PRAMEF15: variants seen among roughly 807,000 people sequenced by gnomAD.
The protein encoded by PRAMEF15 is PRAME family member 15, also known as PRAME family member 9/15.
In PRAMEF15, 21 loss-of-function variants were observed where a neutral mutation model predicts 35.3. The observed-to-expected ratio is 0.59, with a 90% CI of 0.42 to 0.86. The LOEUF is 0.86. PRAMEF15 is among the 40% of genes least tolerant of loss of function. The pLI is 0.00. For missense variants in PRAMEF15, 360 were observed against 574.1 expected (o/e 0.63, Z 3.81); for synonymous variants, 122 against 223.3 (o/e 0.55, Z 4.05).
At chr1:13,316,816 T>G (rs1467819089) in intron 1 of PRAMEF15, among the ~76,000 whole-genome samples, 2 of 151,544 alleles carry the variant, frequency 1.3e-5, no homozygotes, top group Admixed American at 6.6e-5. Context: ...CAAGGATAAT[T>G]TCAAGTTTTC....
chr1:13,321,571 G>A (rs1640083889), intron 3 of PRAMEF15, 132 bp from the exon 4 acceptor site: 1 of 1,426,662 alleles, frequency 7.0e-7, no homozygotes, highest in Non-Finnish European at 9.6e-7. Flanking sequence ...CCTAAGTGTT[G>A]ACCATCAGGC....
intron 3 of PRAMEF15, 67 bp downstream of exon 3, chr1:13,320,020 C>A: frequency 1.2e-6 from 2 of 1,606,822 alleles, no homozygotes; most frequent in Non-Finnish European, 1.7e-6. Flanking sequence ...CACTAGTGGG[C>A]ATCTACTGTG....
rs1196418402 is a variant in PRAMEF15, at chr1:13,317,868, GGAAA to G, written c.-16-512_-16-509del. Among the ~76,000 whole-genome samples, 6 of 147,406 alleles carry G rather than the reference GGAAA, an allele frequency of 4.1e-5. 1 individual carries two copies. The highest frequency in any genetic ancestry group is 7.6e-5 in the African/African-American group (3 of 39,320). On this transcript the variant is annotated intron_variant, in intron 1 of 3. Coordinates refer to ENST00000376152, the MANE Select transcript of PRAMEF15 (RefSeq NM_001098376.3). ...AGAAAGAAAGAAGGGAGAGAGAGGG[GGAAA>G]GAAAGAAAGAAGGGAGGGAGAGAGG...
At chr1:13,320,636 T>A (rs1325909501) in intron 3 of PRAMEF15, among the ~76,000 whole-genome samples, 2 of 151,342 alleles carry the variant, frequency 1.3e-5, no homozygotes, top group Non-Finnish European at 2.9e-5. Context: ...GTTGGCCAGG[T>A]TATTCTCCAA....
chr1:13,320,524 T>C (rs1466948907), intron 3 of PRAMEF15, among the ~76,000 whole-genome samples: 54 of 152,194 alleles, frequency 3.5e-4, no homozygotes, highest in African/African-American at 1.2e-3. Flanking sequence ...CCCAGGTTCA[T>C]GCGATTCTCC....
intron 1 of PRAMEF15, among the ~76,000 whole-genome samples, chr1:13,318,152 G>A (rs1640030908): frequency 6.6e-6 from 1 of 152,080 alleles, no homozygotes; most frequent in African/African-American, 2.4e-5. Context: ...ACTGGATGGA[G>A]CACTGGATAG....
chr1:13,322,274 T>A lies in PRAMEF15; in HGVS notation c.*10T>A. ...TCAATACTGCTGTTGAATGCCTGCC[T>A]ATTTGGATGGGTATGTCAAACGCTT... On this transcript the variant is annotated 3_prime_UTR_variant, in exon 4 of 4. Coordinates refer to ENST00000376152, the MANE Select transcript of PRAMEF15 (RefSeq NM_001098376.3). The A allele has an allele frequency of 6.7e-7, 1 of 1,501,900 alleles. No individual in the cohort carries two copies. Among genetic ancestry groups the A allele is most frequent in the South Asian group, 1.2e-5 (1 of 86,704 alleles). 93.0% of individuals were successfully genotyped at this position (1,501,900 alleles called of 1,614,324 possible). A position where few individuals can be genotyped will look rare whatever the true frequency, so the allele number is the denominator to read the frequency against.
chr1:13,322,172 C>T lies in PRAMEF15; in HGVS notation c.1345C>T (p.His449Tyr), dbSNP rs1308445544. The T allele has an allele frequency of 2.5e-6, 4 of 1,608,904 alleles. No individual in the cohort carries two copies. Among genetic ancestry groups the T allele is most frequent in the East Asian group, 2.3e-5 (1 of 44,352 alleles). Reference sequence around the variant, plus strand: ...GATGAACAGAGTGAGGGACTTAAGGCACCCCAAGAGGATCTTGTTCTGTAC... The same window carrying T: ...GATGAACAGAGTGAGGGACTTAAGGTACCCCAAGAGGATCTTGTTCTGTAC... Reference protein sequence around the residue: ...ELMNRVRDLRHPKRILFCTDY... With the variant: ...ELMNRVRDLRYPKRILFCTDY... Residue 449 changes from histidine to tyrosine, a missense_variant, in exon 4 of 4, where the codon CAC becomes TAC. Around this residue, in one of 8 missense-constraint regions of PRAMEF15, gnomAD observed 147 missense variants for 123.5 expected, o/e 1.19. Coordinates refer to ENST00000376152, the MANE Select transcript of PRAMEF15 (RefSeq NM_001098376.3).
At chr1:13,321,542 G>A (rs1215083733) in intron 3 of PRAMEF15, among the ~76,000 whole-genome samples, 161 bp from the exon 4 acceptor site, 1 of 151,868 alleles carries the variant, frequency 6.6e-6, no homozygotes, top group Non-Finnish European at 1.5e-5. Flanking sequence ...CAGTGGCAAA[G>A]CTCTTCATCA....
At chr1:13,318,202 C>T (rs1415481168) in intron 1 of PRAMEF15, among the ~76,000 whole-genome samples, 190 bp from the exon 2 acceptor site, 17 of 152,194 alleles carry the variant, frequency 1.1e-4, no homozygotes, top group Non-Finnish European at 2.5e-4. Context: ...CTCACTGCTT[C>T]GGAGACGCTC....
In PRAMEF15 at chr1:13,319,668, T is replaced by C; in HGVS notation, c.590T>C (p.Ile197Thr). 1.2e-6 allele frequency: 2 copies of C among 1,600,046 alleles called. No homozygotes were observed. The highest frequency in any genetic ancestry group is 8.5e-7 in the Non-Finnish European group (1 of 1,174,422). The stretch of plus-strand genomic sequence containing the variant: ...ATTTTGGGAATGCCCTTCCGCAATA[T>C]CAGAAGCATCCTGAAAATGGTGAAC... Reference protein sequence around the residue: ...LKILGMPFRNIRSILKMVNLD... With the variant: ...LKILGMPFRNTRSILKMVNLD... The change falls in exon 3 of 4, where the codon ATC becomes ACC. Residue 197 changes from isoleucine to threonine, a missense_variant. Coordinates refer to ENST00000376152, the MANE Select transcript of PRAMEF15 (RefSeq NM_001098376.3).
chr1:13,317,188 G>T (rs1199675346), intron 1 of PRAMEF15, among the ~76,000 whole-genome samples: 1 of 151,578 alleles, frequency 6.6e-6, no homozygotes, highest in South Asian at 2.1e-4. Context: ...TCCTACCTCA[G>T]CCTCCCTAGT....
chr1:13,320,450 T>A (rs1351429337), intron 3 of PRAMEF15, among the ~76,000 whole-genome samples: 3 of 151,824 alleles, frequency 2.0e-5, no homozygotes, highest in Non-Finnish European at 4.4e-5. Flanking sequence ...TGAGATGGAG[T>A]TTCACTTTGA....
chr1:13,321,364 G>A (rs1206686957), intron 3 of PRAMEF15, among the ~76,000 whole-genome samples: 17 of 151,202 alleles, frequency 1.1e-4, no homozygotes, highest in African/African-American at 2.7e-4. Context: ...GCAGGCTCCC[G>A]CCACCACACC....
chr1:13,320,826 T>C (rs1225139527), intron 3 of PRAMEF15, among the ~76,000 whole-genome samples: 5 of 152,118 alleles, frequency 3.3e-5, no homozygotes, highest in Admixed American at 6.6e-5. Flanking sequence ...ATCAGCTTTG[T>C]GCCCCACAGT....
At chr1:13,320,019 G>A in intron 3 of PRAMEF15, 66 bp downstream of exon 3, 1 of 1,606,938 alleles carries the variant, frequency 6.2e-7, no homozygotes. Flanking sequence ...ACACTAGTGG[G>A]CATCTACTGT....
Position 13,318,358 on chromosome 1 carries a change from G to C in PRAMEF15, c.-16-34G>C, listed in dbSNP as rs1353076836. 6.6e-6 allele frequency: 10 copies of C among 1,513,378 alleles called. No homozygotes were observed. In the East Asian group the frequency reaches 2.2e-4, roughly 34 times the overall value. The allele number at this position is 1,513,378 out of a possible 1,614,324, so 93.7% of individuals were successfully genotyped here. On this transcript the variant is annotated intron_variant, in intron 1 of 3. Transcript: ENST00000376152. ...GAGATTGCATGGGCTTGGCCTGAGA[G>C]TGATGCCTCTTCTCTGGGTTTGTCC...
chr1:13,316,436 A>T (rs1453840369), intron 1 of PRAMEF15, among the ~76,000 whole-genome samples: 1 of 151,534 alleles, frequency 6.6e-6, no homozygotes, highest in Non-Finnish European at 1.5e-5. Context: ...CAAAAACAAA[A>T]ACAAAATCAA....
At chr1:13,319,239 G>A in intron 2 of PRAMEF15, 133 bp from the exon 3 acceptor site, 8 of 1,476,186 alleles carry the variant, frequency 5.4e-6, no homozygotes, top group Non-Finnish European at 7.3e-6. Context: ...CAGGATCCAA[G>A]GGGAAAACAG....
Sources: allele counts gnomAD v4.1 joint callset (sites outside exome capture counted in the v4.1 genomes callset), GRCh38; gene constraint gnomAD v4.1.1; regional missense constraint gnomAD v4.1.1; transcripts MANE v1.5; gene names NCBI Gene and HGNC (gene_info 2026-07-23, HGNC 2026-07-21).